The following IL1RAPL2 variants were observed in gnomAD, a reference collection of about 807,000 sequenced individuals.
The protein encoded by IL1RAPL2 is interleukin 1 receptor accessory protein like 2.
Under a neutral mutation model 44.1 loss-of-function variants are expected in IL1RAPL2, and 3 were observed. The observed-to-expected ratio is 0.07, with a 90% CI of 0.03 to 0.18. The LOEUF is 0.18. Ranked by LOEUF, IL1RAPL2 falls within the 10% of genes least tolerant of loss-of-function variation. The probability of loss-of-function intolerance (pLI) is 1.00; values close to 1 mark genes in which losing one functional copy is unlikely to be tolerated. For missense variants in IL1RAPL2, 391 were observed against 496.4 expected, an observed-to-expected ratio of 0.79 and a Z score of 2.02; for synonymous variants, 181 against 178.8, an observed-to-expected ratio of 1.01 and a Z score of -0.10.
chrX:104,667,979 A>G (rs1218663520), intron 2 of IL1RAPL2, among the ~76,000 whole-genome samples: 1 of 111,568 alleles, frequency 9.0e-6, no homozygotes, highest in Admixed American at 9.6e-5. Context: ...TGAAGACTGG[A>G]TTGGGCAGAC....
chrX:105,466,613 G>T (rs774003474), intron 5 of IL1RAPL2, among the ~76,000 whole-genome samples: 1 of 111,455 alleles, frequency 9.0e-6, no homozygotes, highest in African/African-American at 3.3e-5. Flanking sequence ...TTTAATAGAG[G>T]AAAAAGAAAG....
chrX:104,985,689 G>GA (rs1348877469), intron 2 of IL1RAPL2, among the ~76,000 whole-genome samples: 1 of 111,820 alleles, frequency 8.9e-6, no homozygotes, highest in African/African-American at 3.3e-5. Context: ...TCAGAATGGA[G>GA]AAAGTGAAGG....
chrX:105,012,806 T>C (rs1401834846), intron 2 of IL1RAPL2, among the ~76,000 whole-genome samples: 2 of 110,844 alleles, frequency 1.8e-5, no homozygotes, highest in Admixed American at 1.9e-4. Flanking sequence ...ATTTTTTCCA[T>C]TTTCTTTTAT....
chrX:104,995,846 A>G (rs750798132), intron 2 of IL1RAPL2, among the ~76,000 whole-genome samples: 1 of 111,460 alleles, frequency 9.0e-6, no homozygotes, highest in African/African-American at 3.2e-5. Flanking sequence ...AAAGGGTGTC[A>G]CCATTTTACC....
chrX:104,764,820 T>A (rs1932529855), intron 2 of IL1RAPL2, among the ~76,000 whole-genome samples: 1 of 112,381 alleles, frequency 8.9e-6, no homozygotes, highest in Non-Finnish European at 1.9e-5. Flanking sequence ...GATCACTAGG[T>A]TTTTATCCTT....
intron 5 of IL1RAPL2, among the ~76,000 whole-genome samples, chrX:105,462,728 T>C (rs2036101345): frequency 9.0e-6 from 1 of 111,325 alleles, no homozygotes; most frequent in Admixed American, 9.6e-5. Context: ...GGCAACCCAG[T>C]TGTTTTTAAC....
intron 6 of IL1RAPL2, among the ~76,000 whole-genome samples, chrX:105,517,408 A>G (rs1399480562): frequency 3.6e-5 from 4 of 111,486 alleles, no homozygotes; most frequent in Non-Finnish European, 7.5e-5. Context: ...CATGGCTAGC[A>G]CTCAGAACCT....
At chrX:104,665,360 A>T in intron 2 of IL1RAPL2, among the ~76,000 whole-genome samples, 1 of 111,056 alleles carries the variant, frequency 9.0e-6, no homozygotes, top group Middle Eastern at 4.8e-3. Context: ...AGTAGCAAAA[A>T]ATAATTATCC....
intron 2 of IL1RAPL2, among the ~76,000 whole-genome samples, chrX:105,031,504 T>C (rs958057609): frequency 1.8e-5 from 2 of 112,023 alleles, no homozygotes; most frequent in Non-Finnish European, 3.8e-5. Flanking sequence ...GAGATAATCA[T>C]GTGGTTTTTG....
intron 2 of IL1RAPL2, among the ~76,000 whole-genome samples, chrX:104,759,035 G>T (rs779408248): frequency 8.9e-6 from 1 of 112,600 alleles, no homozygotes; most frequent in South Asian, 3.7e-4. Flanking sequence ...TGTACACACA[G>T]AACACATGTT....
rs1413045001 is a variant in IL1RAPL2 at position 105,625,889 on chromosome X, T to G, written c.773-91478T>G. Among the ~76,000 whole-genome samples, 4 of 111,667 alleles carry G rather than the reference T, an allele frequency of 3.6e-5. No homozygotes were observed. The East Asian group carries it at 8.5e-4, about 24-fold the overall frequency. On this transcript the variant is annotated intron_variant, in intron 6 of 10. Transcript: ENST00000372582. ...CTGCCTACATACAAATATTTAGAGA[T>G]TCATTTAAATATTCTCCACTGCATA...
intron 5 of IL1RAPL2, among the ~76,000 whole-genome samples, chrX:105,483,842 A>G (rs1263549965): frequency 9.0e-6 from 1 of 111,438 alleles, no homozygotes; most frequent in Non-Finnish European, 1.9e-5. Flanking sequence ...CAATGAAGAT[A>G]TCATTGCTTT....
chrX:105,507,687 G>C (rs1467442207), intron 6 of IL1RAPL2, among the ~76,000 whole-genome samples: 4 of 110,727 alleles, frequency 3.6e-5, no homozygotes, highest in Non-Finnish European at 7.6e-5. Context: ...ACTTTCTCAG[G>C]GATCTCAGGG....
chrX:105,128,137 A>G (rs985199843), intron 2 of IL1RAPL2, among the ~76,000 whole-genome samples: 2 of 110,864 alleles, frequency 1.8e-5, no homozygotes, highest in African/African-American at 6.5e-5. Context: ...AGGAAAGGAC[A>G]TGACAGAACT....
At chrX:105,730,673 C>A (rs77512615) in intron 7 of IL1RAPL2, among the ~76,000 whole-genome samples, 1 of 111,069 alleles carries the variant, frequency 9.0e-6, no homozygotes, top group Non-Finnish European at 1.9e-5. Flanking sequence ...TCTTCTCAGA[C>A]CACAATGGAC....
chrX:105,705,251 T>C (rs1214000021), intron 6 of IL1RAPL2, among the ~76,000 whole-genome samples: 1 of 110,743 alleles, frequency 9.0e-6, no homozygotes, highest in Non-Finnish European at 1.9e-5. Flanking sequence ...AAAATATCTG[T>C]ACTAGTAGAT....
At chrX:105,180,014 C>T (rs899717835) in intron 2 of IL1RAPL2, among the ~76,000 whole-genome samples, 1 of 109,038 alleles carries the variant, frequency 9.2e-6, no homozygotes, top group African/African-American at 3.4e-5. Flanking sequence ...GCTAGGACGT[C>T]CAGTACTATG....
At chrX:105,079,009 G>A (rs1400783163) in intron 2 of IL1RAPL2, among the ~76,000 whole-genome samples, 1 of 112,208 alleles carries the variant, frequency 8.9e-6, no homozygotes, top group Non-Finnish European at 1.9e-5. Flanking sequence ...CCCTGCTTCG[G>A]CTCACACACA....
chrX:105,456,590 C>T lies in IL1RAPL2; in HGVS notation c.698-27723C>T, dbSNP rs1427323276. Among the ~76,000 whole-genome samples the T allele has an allele frequency of 4.5e-5, 5 of 111,180 alleles. No homozygotes were observed. The East Asian group carries it at 1.4e-3, about 32-fold the overall frequency. On this transcript the variant is annotated intron_variant, in intron 5 of 10. Transcript: ENST00000372582. ...CTATTGAGGTAATCATGTGGTTTTT[C>T]TCTTTAGTCCTGTTTATGCTGCTCT...
Sources: allele counts gnomAD v4.1 joint callset (sites outside exome capture counted in the v4.1 genomes callset), GRCh38; gene constraint gnomAD v4.1.1; transcripts MANE v1.5; gene names NCBI Gene and HGNC (gene_info 2026-07-23, HGNC 2026-07-21).